The following DIAPH3 variants were observed in gnomAD, a reference collection of about 807,000 sequenced individuals.
DIAPH3 encodes the protein protein diaphanous homolog 3.
Under a neutral mutation model 144.3 loss-of-function variants are expected in DIAPH3, and 117 were observed. That is an observed-to-expected ratio of 0.81 (90% CI 0.70 to 0.95). The LOEUF (loss-of-function observed/expected upper bound fraction) is 0.95. Ranked by LOEUF, DIAPH3 falls within the 40% of genes least tolerant of loss-of-function variation. DIAPH3 has a pLI of 0.00. For synonymous variants in DIAPH3, 519 were observed against 488.9 expected (o/e 1.06, Z -0.81); for missense variants, 1,421 against 1,412.7 (o/e 1.01, Z -0.09).
At position 59,853,812 on chromosome 13, in the gene DIAPH3, T is replaced by C. The variant is rs192370571; in HGVS notation, c.2737+7595A>G. On this transcript the variant is annotated intron_variant, in intron 22 of 27. Transcript: ENST00000400324. Reference sequence around the variant, plus strand: ...AACAATAACTTTAAAAACCAAACTATTTCACAATTTAATGATACATGCTTT... The same window carrying C: ...AACAATAACTTTAAAAACCAAACTACTTCACAATTTAATGATACATGCTTT... 3.3e-5 allele frequency among the ~76,000 whole-genome samples: 5 copies of C among 152,220 alleles called. No individual in the cohort carries two copies. The East Asian group carries it at 9.7e-4, about 29-fold the overall frequency.
At chr13:60,017,556 T>C (rs2053742124) in intron 5 of DIAPH3, among the ~76,000 whole-genome samples, 1 of 152,140 alleles carries the variant, frequency 6.6e-6, no homozygotes, top group Non-Finnish European at 1.5e-5. Context: ...TGCAACATAT[T>C]TATATAAAAA....
intron 13 of DIAPH3, among the ~76,000 whole-genome samples, chr13:59,982,043 C>T (rs2051051094): frequency 6.6e-6 from 1 of 151,338 alleles, no homozygotes; most frequent in South Asian, 2.1e-4. Flanking sequence ...ATTATCTGTG[C>T]CTCATGCTTT....
intron 17 of DIAPH3, among the ~76,000 whole-genome samples, chr13:59,927,264 T>A (rs1566528619): frequency 6.6e-6 from 1 of 152,182 alleles, no homozygotes; most frequent in Admixed American, 6.5e-5. Context: ...CCCATTTTTT[T>A]AATCCATTCA....
intron 25 of DIAPH3, among the ~76,000 whole-genome samples, chr13:59,784,965 G>T (rs2038954879): frequency 6.6e-6 from 1 of 152,100 alleles, no homozygotes; most frequent in African/African-American, 2.4e-5. Context: ...TGGTAACCCA[G>T]TTCAGTCTTT....
At chr13:60,029,159 AGTAAAAAAAAAAACT>A (rs2054603810) in intron 5 of DIAPH3, among the ~76,000 whole-genome samples, 1 of 53,048 alleles carries the variant, frequency 1.9e-5, no homozygotes, top group Non-Finnish European at 4.6e-5. Context: ...TATTTGCTCA[AGTAAAAAAAAAAACT>A]GTTATTCTCG....
At chr13:59,736,779 C>G (rs2036175026) in intron 27 of DIAPH3, among the ~76,000 whole-genome samples, 1 of 152,102 alleles carries the variant, frequency 6.6e-6, no homozygotes, top group South Asian at 2.1e-4. Flanking sequence ...GCCACAGTAA[C>G]CAAAACTGCA....
intron 17 of DIAPH3, among the ~76,000 whole-genome samples, chr13:59,949,414 G>T (rs1466183039): frequency 6.6e-6 from 1 of 152,126 alleles, no homozygotes; most frequent in South Asian, 2.1e-4. Context: ...AGTCCTACTT[G>T]TGATTGGTGC....
chr13:60,013,979 T>C (rs540753614), intron 7 of DIAPH3, among the ~76,000 whole-genome samples: 4 of 152,134 alleles, frequency 2.6e-5, no homozygotes, highest in Non-Finnish European at 5.9e-5. Flanking sequence ...TATAGCTCCA[T>C]GTATATAAAC....
chr13:59,690,959 C>T (rs1187928457), intron 27 of DIAPH3, among the ~76,000 whole-genome samples: 2 of 152,068 alleles, frequency 1.3e-5, no homozygotes, highest in African/African-American at 4.8e-5. Flanking sequence ...GCAAAGAGGA[C>T]AGAGGAACTA....
At chr13:60,156,941 T>TATATATA (rs1566834028) in intron 1 of DIAPH3, among the ~76,000 whole-genome samples, 24 of 27,392 alleles carry the variant, frequency 8.8e-4, no homozygotes, top group African/African-American at 1.5e-3. Flanking sequence ...ATATATATAT[T>TATATATA]TTTTTTTTTT....
chr13:59,914,144 C>A (rs2047121509), intron 19 of DIAPH3, among the ~76,000 whole-genome samples: 1 of 151,984 alleles, frequency 6.6e-6, no homozygotes, highest in Admixed American at 6.6e-5. Context: ...ATACTGCTGA[C>A]CTGTACATAT....
intron 14 of DIAPH3, among the ~76,000 whole-genome samples, chr13:59,978,240 C>A (rs1286430400): frequency 6.6e-6 from 1 of 151,684 alleles, no homozygotes; most frequent in Non-Finnish European, 1.5e-5. Context: ...AGTGATGAGC[C>A]AACCTCGTCA....
At chr13:59,824,101 C>T (rs1406633190) in intron 24 of DIAPH3, among the ~76,000 whole-genome samples, 1 of 151,998 alleles carries the variant, frequency 6.6e-6, no homozygotes, top group African/African-American at 2.4e-5. Flanking sequence ...AAAGCCAGAG[C>T]TATACATGTG....
Position 60,112,009 on chromosome 13 carries a change from C to A in DIAPH3, c.390+1G>T, listed in dbSNP as rs2058581507. ...ATTTCCTAAAGAATCAAAATTCTTA[C>A]CATCATTTTTTCAAAAAGTTCTAAG... On this transcript the variant is annotated splice_donor_variant, in intron 3 of 27. Coordinates refer to ENST00000400324, the MANE Select transcript of DIAPH3 (RefSeq NM_001042517.2). LOFTEE classifies it high-confidence loss of function. The A allele has an allele frequency of 1.2e-6, 2 of 1,613,680 alleles. No homozygotes were observed. The highest frequency in any genetic ancestry group is 1.7e-6 in the Non-Finnish European group (2 of 1,179,816).
At chr13:59,876,229 A>T (rs1404034722) in intron 21 of DIAPH3, among the ~76,000 whole-genome samples, 2 of 152,194 alleles carry the variant, frequency 1.3e-5, no homozygotes, top group African/African-American at 2.4e-5. Flanking sequence ...TCAAGCTGCT[A>T]CTTCTGATAA....
chr13:59,980,008 T>C (rs1233712370), intron 14 of DIAPH3, among the ~76,000 whole-genome samples: 1 of 151,670 alleles, frequency 6.6e-6, no homozygotes, highest in East Asian at 1.9e-4. Flanking sequence ...ATGCCTACTG[T>C]TCCATTATTG....
At chr13:60,080,495 T>C (rs904430586) in intron 4 of DIAPH3, among the ~76,000 whole-genome samples, 1 of 151,856 alleles carries the variant, frequency 6.6e-6, no homozygotes, top group African/African-American at 2.4e-5. Flanking sequence ...AAAATAATAA[T>C]TAGAAAACTT....
chr13:59,750,056 C>T (rs769436112), intron 27 of DIAPH3, among the ~76,000 whole-genome samples: 18 of 152,192 alleles, frequency 1.2e-4, no homozygotes, highest in South Asian at 1.0e-3. Flanking sequence ...GTGGTAATGA[C>T]TGGGTCATTG....
intron 1 of DIAPH3, among the ~76,000 whole-genome samples, chr13:60,134,608 T>C (rs1186136265): frequency 1.3e-5 from 2 of 152,186 alleles, no homozygotes; most frequent in Non-Finnish European, 1.5e-5. Context: ...TGCATTTGGT[T>C]AACCACATTT....
Sources: gnomAD v4.1 joint callset for allele counts (sites outside exome capture counted in the v4.1 genomes callset) on GRCh38, gnomAD v4.1.1 for gene constraint, MANE v1.5 for transcripts, NCBI Gene and HGNC (gene_info 2026-07-23, HGNC 2026-07-21) for gene names.